Variants in ASIC2 observed in about 807,000 individuals in gnomAD.
ASIC2 encodes the protein acid sensing ion channel subunit 2, also known as acid-sensing ion channel 2.
Under a neutral mutation model 57.3 loss-of-function variants are expected in ASIC2, and 25 were observed. The observed-to-expected ratio is 0.44, with a 90% CI of 0.32 to 0.61. The LOEUF is 0.61. Among genes scored for constraint, ASIC2 ranks in the 20% least tolerant of loss-of-function variants. The pLI is 0.06. For synonymous variants in ASIC2, 319 were observed against 307.5 expected (o/e 1.04, Z -0.39); for missense variants, 641 against 738.1 (o/e 0.87, Z 1.52).
At chr17:33,765,593 AC>A (rs1910912012) in intron 1 of ASIC2, among the ~76,000 whole-genome samples, 1 of 152,188 alleles carries the variant, frequency 6.6e-6, no homozygotes, top group Admixed American at 6.5e-5. Flanking sequence ...TTTCAGTGAT[AC>A]AATGTCCAGT....
At chr17:34,082,002 G>A (rs1304463926) in intron 1 of ASIC2, 1 of 152,282 alleles carries the variant, frequency 6.6e-6, no homozygotes, top group East Asian at 1.9e-4. Flanking sequence ...CAAACTCTCC[G>A]ATTTAAGTTC....
chr17:33,879,196 C>T (rs561972834), intron 1 of ASIC2, among the ~76,000 whole-genome samples: 1 of 152,292 alleles, frequency 6.6e-6, no homozygotes, highest in South Asian at 2.1e-4. Context: ...GAAACTGCAT[C>T]AACTAACGAG....
intron 1 of ASIC2, among the ~76,000 whole-genome samples, chr17:33,330,541 G>A (rs1907270580): frequency 6.6e-6 from 1 of 152,182 alleles, no homozygotes; most frequent in Non-Finnish European, 1.5e-5. Context: ...GGAAACTGGA[G>A]CCCATGCAAT....
chr17:33,028,133 C>A lies in ASIC2; in HGVS notation c.1138+109G>T, dbSNP rs549097421. 16 of 1,423,724 alleles carry A rather than the reference C, an allele frequency of 1.1e-5. No individual in the cohort carries two copies. The Admixed American group carries it at 1.8e-4, about 16-fold the overall frequency. The allele number at this position is 1,423,724 out of a possible 1,614,324, so 88.2% of individuals were successfully genotyped here. On this transcript the variant is annotated intron_variant, in intron 4 of 9. Coordinates refer to ENST00000225823, the MANE Select transcript of ASIC2 (RefSeq NM_183377.2). ...AACAGAGTCTTCCCAGAACATCATC[C>A]TTTTGGATCCCAGCGAAGTGGGTGA...
At chr17:33,279,120 G>A (rs973688413) in intron 1 of ASIC2, among the ~76,000 whole-genome samples, 5 of 152,156 alleles carry the variant, frequency 3.3e-5, no homozygotes, top group Admixed American at 2.0e-4. Context: ...TGTCTTATGC[G>A]TTGATTTGTT....
intron 1 of ASIC2, among the ~76,000 whole-genome samples, chr17:33,618,592 C>T (rs1905679659): frequency 6.6e-6 from 1 of 152,176 alleles, no homozygotes; most frequent in South Asian, 2.1e-4. Flanking sequence ...TCTTTCTCCT[C>T]CTCATCCATG....
intron 1 of ASIC2, among the ~76,000 whole-genome samples, chr17:33,711,631 C>T (rs564345925): frequency 3.3e-5 from 5 of 152,070 alleles, no homozygotes; most frequent in Admixed American, 6.5e-5. Context: ...ACAATCGTGG[C>T]GGAAGGTGAA....
intron 1 of ASIC2, among the ~76,000 whole-genome samples, chr17:33,942,556 T>C (rs1266813287): frequency 1.3e-5 from 2 of 152,084 alleles, no homozygotes; most frequent in Non-Finnish European, 2.9e-5. Flanking sequence ...CATGAGAGTG[T>C]GCGGGAGGCA....
At chr17:33,351,508 C>A (rs1908179099) in intron 1 of ASIC2, among the ~76,000 whole-genome samples, 1 of 152,138 alleles carries the variant, frequency 6.6e-6, no homozygotes, top group South Asian at 2.1e-4. Context: ...TTTACACAGC[C>A]CCCAGGTACA....
chr17:33,312,891 G>A (rs1906490942), intron 1 of ASIC2, among the ~76,000 whole-genome samples: 1 of 152,180 alleles, frequency 6.6e-6, no homozygotes. Context: ...AGCTGAGATT[G>A]CACCATTGCA....
At chr17:34,101,216 T>C (rs1910851769) in intron 1 of ASIC2, among the ~76,000 whole-genome samples, 1 of 152,194 alleles carries the variant, frequency 6.6e-6, no homozygotes, top group African/African-American at 2.4e-5. Context: ...GCATCCCAAA[T>C]GTATCCGGTA....
At chr17:33,306,027 T>C (rs1906157498) in intron 1 of ASIC2, among the ~76,000 whole-genome samples, 1 of 152,250 alleles carries the variant, frequency 6.6e-6, no homozygotes, top group Admixed American at 6.5e-5. Flanking sequence ...TATTTAGTCA[T>C]TCTATAAAAG....
At chr17:33,730,139 C>T (rs145472184) in intron 1 of ASIC2, among the ~76,000 whole-genome samples, 11 of 152,124 alleles carry the variant, frequency 7.2e-5, no homozygotes, top group African/African-American at 2.7e-4. Flanking sequence ...TTAATTAGCC[C>T]CTGTATAGTT....
intron 3 of ASIC2, among the ~76,000 whole-genome samples, chr17:33,042,865 A>G (rs140606063): frequency 6.6e-6 from 1 of 152,142 alleles, no homozygotes; most frequent in Non-Finnish European, 1.5e-5. Flanking sequence ...TATGGGAAAC[A>G]TTGCATAGAT....
At chr17:34,101,043 T>C (rs1910846135) in intron 1 of ASIC2, among the ~76,000 whole-genome samples, 1 of 152,226 alleles carries the variant, frequency 6.6e-6, no homozygotes, top group South Asian at 2.1e-4. Context: ...TAAAATGAGT[T>C]AATTCTGACA....
At chr17:33,796,847 C>T (rs1911933034) in intron 1 of ASIC2, among the ~76,000 whole-genome samples, 1 of 152,186 alleles carries the variant, frequency 6.6e-6, no homozygotes, top group Non-Finnish European at 1.5e-5. Context: ...CACTCATGTA[C>T]TAAAGGTGTG....
chr17:33,259,096 G>T (rs1331718341), intron 1 of ASIC2, among the ~76,000 whole-genome samples: 1 of 152,168 alleles, frequency 6.6e-6, no homozygotes, highest in African/African-American at 2.4e-5. Flanking sequence ...GCCATTCCGG[G>T]TAATGGTGAG....
At chr17:33,295,091 T>A (rs1047630175), upstream of ASIC2, among the ~76,000 whole-genome samples, 2 of 152,232 alleles carry the variant, frequency 1.3e-5, no homozygotes, top group African/African-American at 2.4e-5. Flanking sequence ...GAAGCTCTAT[T>A]TTATAAAAGC....
At chr17:33,998,537 T>C (rs995086919) in intron 1 of ASIC2, among the ~76,000 whole-genome samples, 7 of 152,172 alleles carry the variant, frequency 4.6e-5, no homozygotes, top group African/African-American at 1.7e-4. Flanking sequence ...GCAGTGTTTT[T>C]CTGTATCCCA....
Sources: gnomAD v4.1 joint callset for allele counts (sites outside exome capture counted in the v4.1 genomes callset) on GRCh38, gnomAD v4.1.1 for gene constraint, MANE v1.5 for transcripts, NCBI Gene and HGNC (gene_info 2026-07-23, HGNC 2026-07-21) for gene names.